The following PLPPR1 variants were observed in gnomAD, a reference collection of about 807,000 sequenced individuals.
PLPPR1 encodes the protein phospholipid phosphatase related 1.
Under a neutral mutation model 33.1 loss-of-function variants are expected in PLPPR1, and 10 were observed. The observed-to-expected ratio is 0.30, with a 90% confidence interval of 0.19 to 0.51. The LOEUF (loss-of-function observed/expected upper bound fraction) is 0.51. Ranked by LOEUF, PLPPR1 falls within the 20% of genes least tolerant of loss-of-function variation. The pLI is 0.97. For missense variants in PLPPR1, 304 were observed against 408.1 expected, an observed-to-expected ratio of 0.74 and a Z score of 2.20; for synonymous variants, 151 against 151.0, an observed-to-expected ratio of 1.00 and a Z score of 0.00.
chr9:101,059,133 T>G (rs1326896004), intron 1 of PLPPR1, among the ~76,000 whole-genome samples: 1 of 152,164 alleles, frequency 6.6e-6, no homozygotes, highest in Non-Finnish European at 1.5e-5. Context: ...ATAACTTTTT[T>G]TGTGTGATCT....
intron 1 of PLPPR1, among the ~76,000 whole-genome samples, chr9:101,099,726 A>G (rs2118550248): frequency 6.6e-6 from 1 of 152,224 alleles, no homozygotes; most frequent in African/African-American, 2.4e-5. Flanking sequence ...ACACCATTTT[A>G]TGTAAGGGAT....
intron 3 of PLPPR1, among the ~76,000 whole-genome samples, chr9:101,279,143 A>G (rs545197984): frequency 6.6e-6 from 1 of 152,348 alleles, no homozygotes; most frequent in African/African-American, 2.4e-5. Context: ...AACTGTTTTT[A>G]AGGAAGCTCA....
intron 1 of PLPPR1, among the ~76,000 whole-genome samples, chr9:101,151,047 CAT>C (rs948230888): frequency 4.6e-5 from 7 of 151,980 alleles, no homozygotes; most frequent in African/African-American, 1.4e-4. Context: ...TAGTCTTAAA[CAT>C]GTGGTATTTG....
chr9:101,072,343 G>A (rs188717409), intron 1 of PLPPR1, among the ~76,000 whole-genome samples: 2 of 152,200 alleles, frequency 1.3e-5, no homozygotes, highest in Admixed American at 1.3e-4. Flanking sequence ...ATTTGGAAAA[G>A]AGAAAGGAAG....
At chr9:101,283,824 G>C (rs1828343456) in intron 3 of PLPPR1, among the ~76,000 whole-genome samples, 1 of 151,814 alleles carries the variant, frequency 6.6e-6, no homozygotes, top group South Asian at 2.1e-4. Context: ...ATTTAAAAAT[G>C]AAGAAAAGGC....
At chr9:101,271,934 T>C (rs866002388) in intron 3 of PLPPR1, among the ~76,000 whole-genome samples, 8 of 152,152 alleles carry the variant, frequency 5.3e-5, no homozygotes, top group Admixed American at 6.5e-5. Context: ...TTAATAAAAA[T>C]TGTGGCAGAA....
rs1828062741 is a variant in PLPPR1, at chr9:101,269,868, C to A, written c.64-12C>A. 6.2e-7 allele frequency: 1 copy of A among 1,613,498 alleles called. No individual in the cohort carries two copies. The highest frequency in any genetic ancestry group is 1.1e-5 in the South Asian group (1 of 91,050). On this transcript the variant is annotated splice_polypyrimidine_tract_variant and intron_variant, in intron 2 of 7. Coordinates refer to ENST00000374874, the MANE Select transcript of PLPPR1 (RefSeq NM_207299.2). ...CTGCTAATGTCTCTGTGTGGCCATG[C>A]TGTATTTTCAGCTTGTCATCATGGC...
rs145832222 is a variant in PLPPR1 at position 101,125,547 on chromosome 9, G to T, written c.-45-59903G>T. On this transcript the variant is annotated intron_variant, in intron 1 of 7. Transcript: ENST00000374874. ...CCCAGCACCAGATTGAAGGGAATAG[G>T]AAGTGCTGTCTCCTGCCTAAAGCAG... is the stretch of plus-strand genomic sequence containing the variant. The T allele has an allele frequency of 5.5e-4, 257 of 463,166 alleles. 2 individuals carry two copies. The East Asian group carries it at 0.013, about 23-fold the overall frequency. 28.7% of individuals were successfully genotyped at this position (463,166 alleles called of 1,614,324 possible). A position where few individuals can be genotyped will look rare whatever the true frequency, so the allele number is the denominator to read the frequency against.
At chr9:101,074,504 A>C (rs1588017210) in intron 1 of PLPPR1, among the ~76,000 whole-genome samples, 1 of 152,208 alleles carries the variant, frequency 6.6e-6, no homozygotes. Flanking sequence ...TTGAATAAGC[A>C]TCAAGGCTCT....
intron 2 of PLPPR1, among the ~76,000 whole-genome samples, chr9:101,213,845 C>T (rs1285386639): frequency 6.6e-6 from 1 of 152,144 alleles, no homozygotes; most frequent in African/African-American, 2.4e-5. Flanking sequence ...TAATGTAATT[C>T]ACATAAGGTT....
intron 2 of PLPPR1, among the ~76,000 whole-genome samples, chr9:101,255,582 G>A (rs1318433629): frequency 6.6e-6 from 1 of 152,154 alleles, no homozygotes; most frequent in Non-Finnish European, 1.5e-5. Context: ...CTTGAAGTTT[G>A]ATGTAATTAT....
intron 1 of PLPPR1, among the ~76,000 whole-genome samples, chr9:101,162,268 A>T (rs1477307702): frequency 1.3e-5 from 2 of 152,184 alleles, no homozygotes; most frequent in Non-Finnish European, 2.9e-5. Context: ...GATTAAACAC[A>T]GCCTGAGAGT....
At position 101,229,652 on chromosome 9, in the gene PLPPR1, ATGCTGTG is replaced by A. The variant is rs373794186; in HGVS notation, c.64-40224_64-40218del. Among the ~76,000 whole-genome samples, 190 of 152,298 alleles carry A rather than the reference ATGCTGTG, an allele frequency of 1.2e-3. 1 individual carries two copies. Among genetic ancestry groups the A allele is most frequent in the African/African-American group, 4.4e-3 (184 of 41,576 alleles). ...TTAAAATAAGGTGTCCAATTCTAAA[ATGCTGTG>A]TGCATTTGAAAACTTTCATCTTTGA... is the stretch of plus-strand genomic sequence containing the variant. On this transcript the variant is annotated intron_variant, in intron 2 of 7. Transcript: ENST00000374874.
intron 1 of PLPPR1, among the ~76,000 whole-genome samples, chr9:101,078,564 A>C (rs1255104268): frequency 2.0e-5 from 3 of 151,810 alleles, no homozygotes; most frequent in Admixed American, 2.0e-4. Flanking sequence ...ATGGTGGCAT[A>C]CTCCTATAAT....
At chr9:101,323,920 G>A in intron 7 of PLPPR1, 105 bp from the exon 8 acceptor site, 1 of 876,220 alleles carries the variant, frequency 1.1e-6, no homozygotes, top group Non-Finnish European at 1.9e-6. Flanking sequence ...GGAACAGCCT[G>A]TGTACCCTTG....
chr9:101,170,978 C>T (rs1035351126), intron 1 of PLPPR1, among the ~76,000 whole-genome samples: 14 of 152,000 alleles, frequency 9.2e-5, no homozygotes, highest in South Asian at 4.2e-4. Context: ...AATTGCAGAT[C>T]TGAAAAACAG....
At chr9:101,092,912 C>T (rs963406507) in intron 1 of PLPPR1, among the ~76,000 whole-genome samples, 13 of 152,150 alleles carry the variant, frequency 8.5e-5, no homozygotes, top group African/African-American at 3.1e-4. Context: ...CTTACTCTTC[C>T]TCTCTTCTTT....
rs189030340 is a variant in PLPPR1, at chr9:101,312,881, C to G, written c.720C>G (p.Phe240Leu). 40 of 1,614,172 alleles carry G rather than the reference C, an allele frequency of 2.5e-5. No individual in the cohort carries two copies. In the East Asian group the frequency reaches 8.0e-4, roughly 32 times the overall value. ...VLCLGTLCTAFLTGLNRVSEY... is the reference protein window; with the variant it reads ...VLCLGTLCTALLTGLNRVSEY... ...GCCTCGGAACTCTCTGCACAGCCTT[C>G]CTGACAGGCCTCAACCGGGTCTCTG... The change falls in exon 6 of 8, where the codon TTC becomes TTG. Residue 240 changes from phenylalanine (F) to leucine (L), a missense_variant. Transcript: ENST00000374874.
Position 101,101,317 on chromosome 9 carries a change from G to A in PLPPR1, c.-46+72215G>A, listed in dbSNP as rs548456175. Among the ~76,000 whole-genome samples, 232 of 151,996 alleles carry A rather than the reference G, an allele frequency of 1.5e-3. 1 individual carries two copies. Among genetic ancestry groups the A allele is most frequent in the African/African-American group, 5.3e-3 (219 of 41,470 alleles). On this transcript the variant is annotated intron_variant, in intron 1 of 7. Transcript: ENST00000374874. ...ATAATAAGTGTCCTTGGGTTTTCTGGCTTTTTATTTATCATTCTTTTATTT... is the reference window on the plus strand; with the variant it reads ...ATAATAAGTGTCCTTGGGTTTTCTGACTTTTTATTTATCATTCTTTTATTT...
Sources: allele counts gnomAD v4.1 joint callset (sites outside exome capture counted in the v4.1 genomes callset), GRCh38; gene constraint gnomAD v4.1.1; transcripts MANE v1.5; gene names NCBI Gene and HGNC (gene_info 2026-07-23, HGNC 2026-07-21).